Variants in ROBO2 observed in about 807,000 individuals in gnomAD.
ROBO2 encodes the protein roundabout homolog 2.
Under a neutral mutation model 160.8 loss-of-function variants are expected in ROBO2, and 53 were observed. The ratio of observed to expected loss-of-function variants is 0.33; its 90% CI spans 0.26 to 0.41. The LOEUF is 0.41. Ranked by LOEUF, ROBO2 falls within the 10% of genes least tolerant of loss-of-function variation. The pLI, the probability that ROBO2 is intolerant of heterozygous loss-of-function variation, is 1.00. For synonymous variants in ROBO2, 664 were observed against 611.7 expected, an observed-to-expected ratio of 1.09 and a Z score of -1.26; for missense variants, 1,577 against 1,722.4, an observed-to-expected ratio of 0.92 and a Z score of 1.49.
At chr3:77,348,394 A>G (rs947593872) in intron 2 of ROBO2, among the ~76,000 whole-genome samples, 13 of 152,092 alleles carry the variant, frequency 8.5e-5, no homozygotes, top group African/African-American at 2.7e-4. Flanking sequence ...GTGCGAGTAT[A>G]ACAGTGAGAA....
chr3:77,071,938 C>A (rs763551810), intron 1 of ROBO2, among the ~76,000 whole-genome samples: 1 of 152,088 alleles, frequency 6.6e-6, no homozygotes, highest in Non-Finnish European at 1.5e-5. Flanking sequence ...GTCTCCAACC[C>A]CTGGGCCCCG....
intron 2 of ROBO2, among the ~76,000 whole-genome samples, chr3:76,244,263 T>C (rs995673047): frequency 1.3e-5 from 2 of 152,220 alleles, no homozygotes; most frequent in African/African-American, 4.8e-5. Flanking sequence ...ACATCACTTC[T>C]TCCTTTGTCT....
intron 14 of ROBO2, among the ~76,000 whole-genome samples, chr3:77,575,341 A>C (rs1430031791): frequency 6.6e-6 from 1 of 152,098 alleles, no homozygotes; most frequent in African/African-American, 2.4e-5. Context: ...GAGGCTTATA[A>C]TAAATGTTGT....
chr3:77,259,243 G>A (rs2058624005), intron 2 of ROBO2, among the ~76,000 whole-genome samples: 1 of 152,154 alleles, frequency 6.6e-6, no homozygotes, highest in Admixed American at 6.5e-5. Context: ...TCTCTGAGAT[G>A]AGAATCATAA....
chr3:77,234,312 G>A (rs768014638), intron 2 of ROBO2, among the ~76,000 whole-genome samples: 35 of 152,162 alleles, frequency 2.3e-4, no homozygotes, highest in Non-Finnish European at 4.1e-4. Context: ...AACCCCTAGG[G>A]TTGTTTTCCC....
At chr3:77,508,138 C>T (rs1337515772) in intron 5 of ROBO2, among the ~76,000 whole-genome samples, 3 of 151,684 alleles carry the variant, frequency 2.0e-5, no homozygotes, top group Non-Finnish European at 4.4e-5. Flanking sequence ...ACATATGTAT[C>T]TTGTTCTCAG....
chr3:76,676,673 C>CCATT (rs2092417648), intron 2 of ROBO2, among the ~76,000 whole-genome samples: 1 of 151,900 alleles, frequency 6.6e-6, no homozygotes, highest in South Asian at 2.1e-4. Flanking sequence ...TGATTTCATG[C>CCATT]CATGCCCCAA....
chr3:76,839,464 C>T (rs929992408), intron 2 of ROBO2, among the ~76,000 whole-genome samples: 5 of 152,108 alleles, frequency 3.3e-5, no homozygotes, highest in Admixed American at 6.6e-5. Flanking sequence ...TGATGTACCA[C>T]GTTGATTGAT....
intron 2 of ROBO2, among the ~76,000 whole-genome samples, chr3:76,241,249 G>A (rs911201185): frequency 1.3e-5 from 2 of 152,034 alleles, no homozygotes; most frequent in Admixed American, 1.3e-4. Flanking sequence ...ATGGCTTCCC[G>A]GGATCTTAAG....
intron 2 of ROBO2, among the ~76,000 whole-genome samples, chr3:77,113,169 C>T (rs2073843422): frequency 6.6e-6 from 1 of 152,194 alleles, no homozygotes; most frequent in Admixed American, 6.5e-5. Flanking sequence ...TAGACCAACC[C>T]CTCATTTGTA....
intron 2 of ROBO2, among the ~76,000 whole-genome samples, chr3:77,248,744 G>GGGCA (rs1003489115): frequency 1.8e-4 from 27 of 151,840 alleles, no homozygotes; most frequent in Non-Finnish European, 3.2e-4. Context: ...CCCACGAAGG[G>GGGCA]GGCAGGAAAT....
chr3:76,038,295 G>C (rs974910878), intron 2 of ROBO2, among the ~76,000 whole-genome samples: 1 of 151,960 alleles, frequency 6.6e-6, no homozygotes, highest in Non-Finnish European at 1.5e-5. Context: ...ATTGCATTGA[G>C]TGTATATTGC....
At chr3:76,134,670 T>G (rs75593089) in intron 2 of ROBO2, among the ~76,000 whole-genome samples, 3,802 of 152,138 alleles carry the variant, frequency 0.025, 155 homozygotes, top group African/African-American at 0.078. Flanking sequence ...ACACTTAGCG[T>G]GCAGCCTTGT....
At chr3:76,034,549 A>G (rs1223894620) in intron 2 of ROBO2, among the ~76,000 whole-genome samples, 3 of 152,222 alleles carry the variant, frequency 2.0e-5, no homozygotes, top group Admixed American at 1.3e-4. Context: ...TGAAATAATT[A>G]ATAACCCACA....
chr3:77,219,512 T>TA (rs2085492723), intron 2 of ROBO2, among the ~76,000 whole-genome samples: 1 of 142,776 alleles, frequency 7.0e-6, no homozygotes, highest in African/African-American at 2.5e-5. Flanking sequence ...TATATATATA[T>TA]ATCTGTGTGT....
At chr3:77,644,018 G>A (rs2095384858) in intron 24 of ROBO2, among the ~76,000 whole-genome samples, 2 of 152,040 alleles carry the variant, frequency 1.3e-5, no homozygotes, top group South Asian at 4.1e-4. Flanking sequence ...GGGGTGTGGA[G>A]AGGGAGCAAT....
At chr3:76,818,986 C>G (rs912386721) in intron 2 of ROBO2, among the ~76,000 whole-genome samples, 6 of 152,010 alleles carry the variant, frequency 3.9e-5, no homozygotes, top group Non-Finnish European at 7.4e-5. Context: ...CTCAAACTGT[C>G]TATCTTAGAT....
intron 2 of ROBO2, among the ~76,000 whole-genome samples, chr3:76,729,743 T>A (rs146825331): frequency 1.6e-4 from 24 of 151,920 alleles, no homozygotes; most frequent in African/African-American, 5.8e-4. Context: ...GTTCAAGCAA[T>A]TCTTTTGCCT....
At chr3:76,474,204 C>CT (rs2078814316) in intron 2 of ROBO2, among the ~76,000 whole-genome samples, 1 of 152,012 alleles carries the variant, frequency 6.6e-6, no homozygotes, top group Admixed American at 6.6e-5. Context: ...ACAGGAAGTG[C>CT]TTTAAGTGAA....
Sources: allele counts gnomAD v4.1 joint callset (sites outside exome capture counted in the v4.1 genomes callset), GRCh38; gene constraint gnomAD v4.1.1; transcripts MANE v1.5; gene names NCBI Gene and HGNC (gene_info 2026-07-23, HGNC 2026-07-21).